Variants in TENM1 observed in about 807,000 individuals in gnomAD.
The protein encoded by TENM1 is teneurin transmembrane protein 1, also known as teneurin-1.
Under a neutral mutation model 174.8 loss-of-function variants are expected in TENM1, and 35 were observed. The observed-to-expected ratio is 0.20, with a 90% CI of 0.15 to 0.27. The LOEUF (loss-of-function observed/expected upper bound fraction) is 0.27. Among genes scored for constraint, TENM1 ranks in the 10% least tolerant of loss-of-function variants. The pLI, the probability that TENM1 is intolerant of heterozygous loss-of-function variation, is 1.00. For synonymous variants in TENM1, 781 were observed against 798.7 expected (o/e 0.98, Z 0.37); for missense variants, 1,633 against 2,130.1 (o/e 0.77, Z 4.59).
intron 6 of TENM1, among the ~76,000 whole-genome samples, chrX:124,669,228 C>T (rs986032290): frequency 1.8e-5 from 2 of 111,329 alleles, no homozygotes; most frequent in African/African-American, 6.5e-5. Context: ...ACTGGCTGGG[C>T]GAGGTTGTGT....
rs746417315 is a variant in TENM1 at position 124,586,268 on chromosome X, T to C, written c.2078-20708A>G. On this transcript the variant is annotated intron_variant, in intron 11 of 31. Transcript: ENST00000422452. ...ATTTTAGACCAATATCCTTGATGAATATTGATGCAAAAATCCTCAATAAAA... is the reference window on the plus strand; with the variant it reads ...ATTTTAGACCAATATCCTTGATGAACATTGATGCAAAAATCCTCAATAAAA... Among the ~76,000 whole-genome samples, 968 of 110,623 alleles carry C rather than the reference T, an allele frequency of 8.8e-3. 18 individuals carry two copies. Among genetic ancestry groups the C allele is most frequent in the African/African-American group, 0.03 (901 of 30,122 alleles).
At chrX:124,843,141 C>G (rs1196379627) in intron 3 of TENM1, among the ~76,000 whole-genome samples, 2 of 111,402 alleles carry the variant, frequency 1.8e-5, no homozygotes, top group East Asian at 5.7e-4. Context: ...CTGTAAAAAG[C>G]GATCATGTAC....
intron 22 of TENM1, among the ~76,000 whole-genome samples, chrX:124,477,749 C>CAAA (rs58693858): frequency 1.6e-3 from 72 of 45,050 alleles, no homozygotes; most frequent in African/African-American, 4.6e-3. Context: ...GACTTCGTCT[C>CAAA]AAAAAAAAAA....
intron 3 of TENM1, among the ~76,000 whole-genome samples, chrX:124,817,220 A>G (rs1015714860): frequency 9.0e-6 from 1 of 111,371 alleles, no homozygotes; most frequent in African/African-American, 3.3e-5. Flanking sequence ...ACATGAACTC[A>G]TCATTTTTTA....
At chrX:124,740,106 T>C (rs781638450) in intron 3 of TENM1, among the ~76,000 whole-genome samples, 1 of 111,802 alleles carries the variant, frequency 8.9e-6, no homozygotes, top group East Asian at 2.8e-4. Flanking sequence ...TACTGTCTAA[T>C]GCCACGTGTG....
In TENM1 at chrX:124,901,516, T is replaced by G. The variant is rs777901198; in HGVS notation, c.218-5275A>C. Among the ~76,000 whole-genome samples the G allele has an allele frequency of 2.7e-5, 3 of 111,531 alleles. No homozygotes were observed. The East Asian group carries it at 8.4e-4, about 31-fold the overall frequency. ...TTGAGACAGGGTTTCACTCTGTCAC[T>G]CAGGCTGGAGTGCAGTGGCACGATC... On this transcript the variant is annotated intron_variant, in intron 1 of 31. Coordinates refer to ENST00000422452, the Ensembl canonical transcript of TENM1.
At chrX:124,393,429 GA>G (rs1310704676) in intron 27 of TENM1, among the ~76,000 whole-genome samples, 30 of 103,087 alleles carry the variant, frequency 2.9e-4, no homozygotes, top group Admixed American at 2.0e-3. Context: ...GTGTGTTTCA[GA>G]AAAAAAAAAG....
chrX:125,043,334 C>CT, the TENM1 span, among the ~76,000 whole-genome samples: 1 of 32,830 alleles, frequency 3.0e-5, no homozygotes, highest in Non-Finnish European at 5.6e-5. Flanking sequence ...AACAAACAAC[C>CT]CATCAAAAAG....
In TENM1 at chrX:124,754,241, T is replaced by A. The variant is rs762919107; in HGVS notation, c.536-17044A>T. Among the ~76,000 whole-genome samples the A allele has an allele frequency of 3.3e-3, 370 of 111,648 alleles. 4 individuals are homozygous for A. The highest frequency in any genetic ancestry group is 0.01 in the African/African-American group (308 of 30,705). ...GAGGGTGTATGTGTCGAGGAATTTATCCATTTCTTCTAGATTTTCTAGTTT... is the reference window on the plus strand; with the variant it reads ...GAGGGTGTATGTGTCGAGGAATTTAACCATTTCTTCTAGATTTTCTAGTTT... On this transcript the variant is annotated intron_variant, in intron 3 of 31. Coordinates refer to ENST00000422452, the Ensembl canonical transcript of TENM1.
intron 1 of TENM1, among the ~76,000 whole-genome samples, chrX:124,957,943 C>A (rs185384358): frequency 4.9e-4 from 55 of 111,435 alleles, no homozygotes; most frequent in South Asian, 3.8e-3. Flanking sequence ...AAAATTATTA[C>A]CCTTGGTATA....
intron 3 of TENM1, among the ~76,000 whole-genome samples, chrX:124,737,907 A>T (rs2053713078): frequency 8.9e-6 from 1 of 112,241 alleles, no homozygotes; most frequent in Admixed American, 9.4e-5. Flanking sequence ...TGTTAGCGGC[A>T]GCTTAGGCAG....
intron 11 of TENM1, among the ~76,000 whole-genome samples, chrX:124,567,964 C>T (rs2858437): frequency 9.0e-6 from 1 of 111,154 alleles, no homozygotes; most frequent in Admixed American, 9.6e-5. Context: ...AACTATAAAT[C>T]TTAGGCATAG....
chrX:124,409,578 C>G (rs866446911), intron 25 of TENM1, among the ~76,000 whole-genome samples: 47 of 110,977 alleles, frequency 4.2e-4, no homozygotes, highest in Non-Finnish European at 8.7e-4. Flanking sequence ...AAGAGGAAGT[C>G]AAATTGTCCC....
chrX:124,978,905 A>G, the TENM1 span, among the ~76,000 whole-genome samples: 1 of 112,248 alleles, frequency 8.9e-6, no homozygotes, highest in Non-Finnish European at 1.9e-5. Context: ...TCTGCTGCAC[A>G]TAAGCTCAGC....
At position 124,520,648 on chromosome X, in the gene TENM1, T is replaced by C; in HGVS notation, c.3170A>G (p.His1057Arg). The C allele has an allele frequency of 8.3e-7, 1 of 1,210,911 alleles. No homozygotes were observed. Among genetic ancestry groups the C allele is most frequent in the Non-Finnish European group, 1.1e-6 (1 of 895,277 alleles). The change falls in exon 18 of 32, where the codon CAC becomes CGC. Residue 1057 changes from histidine (H) to arginine (R), a missense_variant. Physicochemically the swap from His to Arg is conservative, Grantham distance 29. Around this residue, in one of 4 missense-constraint regions of TENM1, gnomAD observed 449 missense variants for 636.2 expected, o/e 0.71. Coordinates refer to ENST00000422452, the Ensembl canonical transcript of TENM1. ...TCGCCCTTCCACAGCTACTGTGAGG[T>C]GTACTTTTATCATGCCTACAGGAAT...
intron 3 of TENM1, among the ~76,000 whole-genome samples, chrX:124,755,364 T>C (rs1192057238): frequency 2.7e-5 from 3 of 111,551 alleles, no homozygotes; most frequent in Non-Finnish European, 5.6e-5. Context: ...CATCCTTTTA[T>C]TTTCAGGCTA....
At chrX:124,685,437 G>A (rs1159800877) in intron 5 of TENM1, among the ~76,000 whole-genome samples, 1 of 111,611 alleles carries the variant, frequency 9.0e-6, no homozygotes. Context: ...ACAATAGTCA[G>A]TGAAGCAAAA....
intron 3 of TENM1, among the ~76,000 whole-genome samples, chrX:124,775,134 C>T (rs896298819): frequency 9.2e-6 from 1 of 109,059 alleles, no homozygotes; most frequent in African/African-American, 3.3e-5. Context: ...CACCATAAAC[C>T]CCGTCTCTAC....
intron 18 of TENM1, among the ~76,000 whole-genome samples, chrX:124,518,002 A>C (rs1345814001): frequency 2.7e-5 from 3 of 110,469 alleles, no homozygotes; most frequent in Non-Finnish European, 3.8e-5. Context: ...CGCACTTGTA[A>C]ATGTTCACCG....
Sources: gnomAD v4.1 joint callset for allele counts (sites outside exome capture counted in the v4.1 genomes callset) on GRCh38, gnomAD v4.1.1 for gene constraint, gnomAD v4.1.1 regional missense constraint, MANE v1.5 for transcripts, NCBI Gene and HGNC (gene_info 2026-07-23, HGNC 2026-07-21) for gene names.